HOTAIR: variants seen among roughly 807,000 people sequenced by gnomAD.
HOTAIR encodes the protein HOX transcript antisense RNA.
At chr12:53,965,610 A>C (rs1012022389) in intron 5 of HOTAIR, among the ~76,000 whole-genome samples, 1 of 152,196 alleles carries the variant, frequency 6.6e-6, no homozygotes, top group Non-Finnish European at 1.5e-5. Context: ...AAGGCTGGGA[A>C]GAGAGAGAAA....
At chr12:53,974,580 C>T (rs538444965) in intron 1 of HOTAIR, among the ~76,000 whole-genome samples, 20 of 152,140 alleles carry the variant, frequency 1.3e-4, no homozygotes, top group African/African-American at 4.8e-4. Flanking sequence ...GCGTTCCAGG[C>T]GGGGGTCTGG....
At chr12:53,965,721 G>C (rs1271587733) in intron 5 of HOTAIR, among the ~76,000 whole-genome samples, 1 of 151,840 alleles carries the variant, frequency 6.6e-6, no homozygotes. Context: ...AAGGGGGCAG[G>C]AAGAACAGCA....
intron 1 of HOTAIR, among the ~76,000 whole-genome samples, chr12:53,971,109 T>C (rs1448956771): frequency 1.3e-5 from 2 of 152,136 alleles, no homozygotes; most frequent in Non-Finnish European, 2.9e-5. Flanking sequence ...CCCACCACTA[T>C]AATTAAAAAT....
intron 2 of HOTAIR, among the ~76,000 whole-genome samples, chr12:53,967,753 C>G (rs1042425703): frequency 3.3e-5 from 5 of 152,196 alleles, no homozygotes; most frequent in Non-Finnish European, 7.4e-5. Flanking sequence ...ACGCTTCCCC[C>G]TAGTGTGGGA....
In HOTAIR at chr12:53,972,331, T is replaced by A. The variant is rs757576802; in HGVS notation, n.59+2567A>T. Reference sequence around the variant, plus strand: ...CATTGATTGACAATAAAGGCAGGCATGAAATATTCACCCAGGGCCACTCTC... The same window carrying A: ...CATTGATTGACAATAAAGGCAGGCAAGAAATATTCACCCAGGGCCACTCTC... On this transcript the variant is annotated intron_variant and non_coding_transcript_variant, in intron 1 of 6. Coordinates refer to ENST00000424518, the Ensembl canonical transcript of HOTAIR. Among the ~76,000 whole-genome samples the A allele has an allele frequency of 1.8e-4, 27 of 152,172 alleles. 1 individual carries two copies. Among genetic ancestry groups the A allele is most frequent in the Non-Finnish European group, 4.4e-5 (3 of 68,028 alleles).
At chr12:53,965,487 T>C (rs1939034891) in intron 5 of HOTAIR, among the ~76,000 whole-genome samples, 1 of 152,144 alleles carries the variant, frequency 6.6e-6, no homozygotes, top group South Asian at 2.1e-4. Flanking sequence ...AACACCTGGG[T>C]GGGGCAAAAG....
exon 7 of HOTAIR, chr12:53,962,318 A>G (rs905889573): frequency 6.6e-6 from 1 of 152,244 alleles, no homozygotes; most frequent in Non-Finnish European, 1.5e-5. Context: ...TATATTCACC[A>G]CATGTAAAAC....
intron 1 of HOTAIR, among the ~76,000 whole-genome samples, chr12:53,972,898 G>GCCCAC (rs1244986457): frequency 8.0e-6 from 1 of 125,232 alleles, no homozygotes; most frequent in Non-Finnish European, 1.7e-5. Flanking sequence ...CCATCCCACC[G>GCCCAC]CCCACCCCAC....
chr12:53,967,876 C>T (rs904157158), intron 2 of HOTAIR: 3 of 152,140 alleles, frequency 2.0e-5, no homozygotes, highest in African/African-American at 7.2e-5. Flanking sequence ...CAGGGCCAGA[C>T]AACCTGGTGA....
In HOTAIR at chr12:53,973,791, C is replaced by T. The variant is rs761178215; in HGVS notation, n.59+1107G>A. On this transcript the variant is annotated intron_variant and non_coding_transcript_variant, in intron 1 of 6. Coordinates refer to ENST00000424518, the Ensembl canonical transcript of HOTAIR. This position sits in a 1 kb window ranked among gnomAD's most constrained non-coding sequence, Gnocchi z 4.3. ...CGAGGCCAAGGGGGAGCCCGAGGCA[C>T]CCCCGGCCTCGGGACTGGCGTCCCG... The T allele has an allele frequency of 1.4e-5, 22 of 1,595,286 alleles. No individual in the cohort carries two copies. Among genetic ancestry groups the T allele is most frequent in the South Asian group, 3.3e-5 (3 of 89,680 alleles).
At chr12:53,971,625 G>T (rs1342096907) in intron 1 of HOTAIR, among the ~76,000 whole-genome samples, 3 of 152,256 alleles carry the variant, frequency 2.0e-5, no homozygotes, top group Non-Finnish European at 4.4e-5. Context: ...TCCCCTGAGT[G>T]TGCATTGGGC....
At chr12:53,969,051 C>T (rs905824492) in intron 1 of HOTAIR, 3 of 152,216 alleles carry the variant, frequency 2.0e-5, no homozygotes, top group African/African-American at 7.2e-5. Context: ...GGAGCTAAAG[C>T]CAGAGAATCA....
intron 1 of HOTAIR, among the ~76,000 whole-genome samples, chr12:53,969,847 T>C (rs1186528722): frequency 6.6e-6 from 1 of 152,128 alleles, no homozygotes; most frequent in Non-Finnish European, 1.5e-5. Context: ...GTTCATGGTC[T>C]GTGGGATGGG....
exon 7 of HOTAIR, chr12:53,962,632 G>T (rs1938972364): frequency 6.6e-6 from 1 of 151,920 alleles, no homozygotes; most frequent in Non-Finnish European, 1.5e-5. Flanking sequence ...AACTGTTTAA[G>T]ACACAATTCT....
intron 1 of HOTAIR, among the ~76,000 whole-genome samples, chr12:53,972,160 C>T (rs972770294): frequency 6.6e-6 from 1 of 152,224 alleles, no homozygotes; most frequent in Admixed American, 6.5e-5. Flanking sequence ...TTCCTGGACC[C>T]CTACACTAGG....
intron 1 of HOTAIR, among the ~76,000 whole-genome samples, chr12:53,969,524 G>A (rs1013420746): frequency 2.0e-5 from 3 of 152,234 alleles, no homozygotes; most frequent in African/African-American, 4.8e-5. Flanking sequence ...AGTCCCACCC[G>A]CTTCTTGTTC....
chr12:53,963,931 A>T (rs1341984552), exon 7 of HOTAIR: 1 of 151,640 alleles, frequency 6.6e-6, no homozygotes, highest in African/African-American at 2.4e-5. Context: ...AAAATACATA[A>T]ACCTCTGTCT....
intron 3 of HOTAIR, among the ~76,000 whole-genome samples, chr12:53,967,010 G>A (rs1157612973): frequency 6.6e-6 from 1 of 152,206 alleles, no homozygotes; most frequent in Non-Finnish European, 1.5e-5. Flanking sequence ...TTGGTGTGGG[G>A]ATATCTGCGG....
intron 1 of HOTAIR, among the ~76,000 whole-genome samples, chr12:53,972,239 C>A (rs1939160093): frequency 6.6e-6 from 1 of 152,260 alleles, no homozygotes; most frequent in Non-Finnish European, 1.5e-5. Flanking sequence ...AGATACATGG[C>A]TCTCATTCCA....
Sources: allele counts gnomAD v4.1 joint callset (sites outside exome capture counted in the v4.1 genomes callset), GRCh38; gene constraint gnomAD v4.1.1; non-coding constraint Gnocchi (gnomAD v3.1); transcripts MANE v1.5; gene names NCBI Gene and HGNC (gene_info 2026-07-23, HGNC 2026-07-21).